GDAP2: variants seen among roughly 807,000 people sequenced by gnomAD.
GDAP2 encodes the protein ganglioside-induced differentiation-associated protein 2.
In GDAP2, 51 loss-of-function variants were observed where a neutral mutation model predicts 67.0. That is an observed-to-expected ratio of 0.76 (90% CI 0.61 to 0.96). The LOEUF is 0.96. GDAP2 is among the 40% of genes least tolerant of loss of function. GDAP2 has a pLI of 0.00. For missense variants in GDAP2, 547 were observed against 588.3 expected (o/e 0.93, Z 0.73); for synonymous variants, 203 against 207.3 (o/e 0.98, Z 0.18).
chr1:117,895,809 A>G (rs1466779001), intron 8 of GDAP2, among the ~76,000 whole-genome samples: 1 of 152,184 alleles, frequency 6.6e-6, no homozygotes, highest in East Asian at 1.9e-4. Flanking sequence ...GTGACTGGAG[A>G]GTTCATGTAG....
intron 3 of GDAP2, among the ~76,000 whole-genome samples, chr1:117,915,029 G>A (rs745893837): frequency 6.6e-6 from 1 of 152,138 alleles, no homozygotes; most frequent in Non-Finnish European, 1.5e-5. Flanking sequence ...AGAGGAAAGG[G>A]AGGATGGAGG....
At chr1:117,921,428 G>A (rs774539962) in intron 1 of GDAP2, among the ~76,000 whole-genome samples, 1 of 152,206 alleles carries the variant, frequency 6.6e-6, no homozygotes, top group East Asian at 1.9e-4. Flanking sequence ...AGCATTATGA[G>A]AGAACAGGTA....
rs745964438 is a variant in GDAP2 at position 117,867,527 on chromosome 1, GAAAA to G, written c.*3038_*3041del. The G allele has an allele frequency of 3.2e-4, 26 of 80,110 alleles. No individual in the cohort carries two copies. Among genetic ancestry groups the G allele is most frequent in the Non-Finnish European group, 5.6e-4 (23 of 41,382 alleles). The allele number at this position is 80,110 out of a possible 1,614,324, so 5.0% of individuals were successfully genotyped here. On this transcript the variant is annotated 3_prime_UTR_variant, in exon 14 of 14. Transcript: ENST00000369443. ...AACATGGTGAAACCCTGTCTCTACT[GAAAA>G]AAAAAAAAAAAAAAAAAAAAATTAG...
At chr1:117,909,074 C>A (rs1274142033) in intron 5 of GDAP2, among the ~76,000 whole-genome samples, 1 of 151,942 alleles carries the variant, frequency 6.6e-6, no homozygotes, top group East Asian at 1.9e-4. Context: ...TACTAAAGGC[C>A]AGGCCACGCT....
At chr1:117,896,769 T>C in intron 8 of GDAP2, 64 bp downstream of exon 8, 2 of 1,095,090 alleles carry the variant, frequency 1.8e-6, no homozygotes, top group Non-Finnish European at 2.6e-6. Flanking sequence ...ATGCATCAGA[T>C]GCAAGGTTCC....
chr1:117,883,274 G>C (rs981516467), intron 11 of GDAP2: 1 of 448,670 alleles, frequency 2.2e-6, no homozygotes, highest in Non-Finnish European at 4.0e-6. Context: ...CACAAAGATT[G>C]GTAATGTAAA....
Position 117,884,813 on chromosome 1 carries a change from CGTGTGT to C in GDAP2, c.1108-1192_1108-1187del, listed in dbSNP as rs35296112. Among the ~76,000 whole-genome samples the C allele has an allele frequency of 6.1e-3, 899 of 147,968 alleles. 9 individuals carry two copies. Among genetic ancestry groups the C allele is most frequent in the African/African-American group, 0.021 (861 of 40,412 alleles). On this transcript the variant is annotated intron_variant, in intron 10 of 13. Transcript: ENST00000369443. ...ATAATTTTCATCAGTTTATTCCCTCCGTGTGTGTGTGTGTGTGTGTGTGTGTGTGTG... is the reference window on the plus strand; with the variant it reads ...ATAATTTTCATCAGTTTATTCCCTCCGTGTGTGTGTGTGTGTGTGTGTGTG...
At chr1:117,902,771 G>T (rs1295551791) in intron 6 of GDAP2, among the ~76,000 whole-genome samples, 12 of 152,090 alleles carry the variant, frequency 7.9e-5, no homozygotes, top group Admixed American at 7.9e-4. Context: ...GTGAAATTTA[G>T]GATCAACTTG....
intron 10 of GDAP2, among the ~76,000 whole-genome samples, chr1:117,885,981 A>C (rs1038521022): frequency 2.0e-5 from 3 of 152,166 alleles, no homozygotes; most frequent in African/African-American, 4.8e-5. Context: ...AAATTAATAG[A>C]TTAATGGGTG....
chr1:117,909,927 T>C (rs1463759376), intron 5 of GDAP2, among the ~76,000 whole-genome samples: 4 of 152,132 alleles, frequency 2.6e-5, no homozygotes, highest in Non-Finnish European at 4.4e-5. Flanking sequence ...CTCTTTAAAA[T>C]AGAATCCTTA....
chr1:117,865,223 G>GA lies in GDAP2; in HGVS notation c.*5345dup, dbSNP rs1246388876. 6.6e-6 allele frequency: 1 copy of GA among 152,126 alleles called. No individual in the cohort carries two copies. Among genetic ancestry groups the GA allele is most frequent in the East Asian group, 1.9e-4 (1 of 5,186 alleles). The allele number at this position is 152,126 out of a possible 1,614,324, so 9.4% of individuals were successfully genotyped here. On this transcript the variant is annotated 3_prime_UTR_variant, in exon 14 of 14. Coordinates refer to ENST00000369443, the MANE Select transcript of GDAP2 (RefSeq NM_017686.4). ...CTTAAGGTTAACTTTGGTAATTAGA[G>GA]AAAGACCTCATGTAAATGGTCAAAA...
chr1:117,885,463 C>G (rs555730088), intron 10 of GDAP2, among the ~76,000 whole-genome samples: 1 of 152,290 alleles, frequency 6.6e-6, no homozygotes, highest in African/African-American at 2.4e-5. Context: ...TAATGTATCA[C>G]TGTTCTCCTA....
At chr1:117,923,078 C>T (rs1411137394) in intron 1 of GDAP2, among the ~76,000 whole-genome samples, 2 of 152,230 alleles carry the variant, frequency 1.3e-5, no homozygotes, top group Non-Finnish European at 2.9e-5. Flanking sequence ...AAATATGGCT[C>T]TGTCCTGCCC....
chr1:117,890,864 G>C (rs1649053965), intron 8 of GDAP2, among the ~76,000 whole-genome samples: 1 of 151,854 alleles, frequency 6.6e-6, no homozygotes, highest in African/African-American at 2.4e-5. Context: ...CGTATCACTG[G>C]ATTTCAATGT....
At chr1:117,909,692 A>G (rs1211678131) in intron 5 of GDAP2, among the ~76,000 whole-genome samples, 4 of 152,194 alleles carry the variant, frequency 2.6e-5, no homozygotes, top group African/African-American at 9.6e-5. Flanking sequence ...TAAGAGCTGT[A>G]CATTTCCTTT....
intron 1 of GDAP2, among the ~76,000 whole-genome samples, chr1:117,924,134 CTTTTT>C (rs947759793): frequency 1.4e-4 from 21 of 152,150 alleles, no homozygotes; most frequent in Non-Finnish European, 2.5e-4. Flanking sequence ...AGTTCTTTCT[CTTTTT>C]TAACTTTTAG....
chr1:117,909,970 G>T (rs558896786), intron 5 of GDAP2, among the ~76,000 whole-genome samples: 1 of 152,190 alleles, frequency 6.6e-6, no homozygotes, highest in South Asian at 2.1e-4. Flanking sequence ...ATATATAAAA[G>T]AAGCTATGAG....
chr1:117,897,886 T>A (rs1434106472), intron 7 of GDAP2, among the ~76,000 whole-genome samples: 1 of 152,198 alleles, frequency 6.6e-6, no homozygotes, highest in Non-Finnish European at 1.5e-5. Flanking sequence ...CTTGGTTATA[T>A]ATATTTTAAC....
At chr1:117,908,914 T>A (rs927666786) in intron 5 of GDAP2, among the ~76,000 whole-genome samples, 3 of 152,186 alleles carry the variant, frequency 2.0e-5, no homozygotes, top group Non-Finnish European at 4.4e-5. Flanking sequence ...TGCATAATAG[T>A]TTCCCAGAAT....
Sources: gnomAD v4.1 joint callset for allele counts (sites outside exome capture counted in the v4.1 genomes callset) on GRCh38, gnomAD v4.1.1 for gene constraint, MANE v1.5 for transcripts, NCBI Gene and HGNC (gene_info 2026-07-23, HGNC 2026-07-21) for gene names.